The following CAMKMT variants were observed in gnomAD, a reference collection of about 807,000 sequenced individuals.
CAMKMT encodes the protein calmodulin-lysine N-methyltransferase, also known as CaM KMT.
In CAMKMT, 53 loss-of-function variants were observed where a neutral mutation model predicts 48.0. The ratio of observed to expected loss-of-function variants is 1.10; its 90% confidence interval spans 0.89 to 1.39. The LOEUF is 1.39. Among genes scored for constraint, CAMKMT ranks in the 40% most tolerant of loss-of-function variants. The pLI is 0.00. For missense variants in CAMKMT, 428 were observed against 402.7 expected (o/e 1.06, Z -0.54); for synonymous variants, 165 against 152.3 (o/e 1.08, Z -0.61).
intron 3 of CAMKMT, among the ~76,000 whole-genome samples, chr2:44,578,304 A>G (rs528201262): frequency 6.6e-6 from 1 of 152,382 alleles, no homozygotes; most frequent in South Asian, 2.1e-4. Flanking sequence ...TAATGAGGCT[A>G]ATAATTTCAT....
At chr2:44,420,423 G>GT (rs1683854397) in intron 3 of CAMKMT, among the ~76,000 whole-genome samples, 1 of 152,082 alleles carries the variant, frequency 6.6e-6, no homozygotes, top group African/African-American at 2.4e-5. Flanking sequence ...CAATGCAGGG[G>GT]TTAGGAGTGC....
chr2:44,529,455 T>C (rs1458918558), intron 3 of CAMKMT, among the ~76,000 whole-genome samples: 1 of 152,214 alleles, frequency 6.6e-6, no homozygotes, highest in Non-Finnish European at 1.5e-5. Flanking sequence ...CAGGGGTTTA[T>C]TTATGCATAT....
chr2:44,747,790 C>T (rs1449767171), intron 8 of CAMKMT, among the ~76,000 whole-genome samples: 1 of 152,192 alleles, frequency 6.6e-6, no homozygotes, highest in African/African-American at 2.4e-5. Flanking sequence ...TGGTCTGGCA[C>T]CTTTCCTTTG....
chr2:44,642,950 G>A lies in CAMKMT; in HGVS notation c.377-61333G>A, dbSNP rs181665631. On this transcript the variant is annotated intron_variant, in intron 3 of 10. Coordinates refer to ENST00000378494, the MANE Select transcript of CAMKMT (RefSeq NM_024766.5). Reference sequence around the variant, plus strand: ...GAGTGTCCGCTGTGTTTATGGCATGGTTGTAAGCCTAATGGATAATTAAGA... The same window carrying A: ...GAGTGTCCGCTGTGTTTATGGCATGATTGTAAGCCTAATGGATAATTAAGA... 1.4e-3 allele frequency among the ~76,000 whole-genome samples: 218 copies of A among 152,234 alleles called. 3 individuals carry two copies. The highest frequency in any genetic ancestry group is 2.3e-3 in the Non-Finnish European group (157 of 68,026).
At chr2:44,379,123 T>A (rs949491283) in intron 2 of CAMKMT, among the ~76,000 whole-genome samples, 1 of 152,208 alleles carries the variant, frequency 6.6e-6, no homozygotes, top group African/African-American at 2.4e-5. Flanking sequence ...TCTGTCTCTA[T>A]GTGTTGTCTG....
At position 44,756,751 on chromosome 2, in the gene CAMKMT, A is replaced by AG. The variant is rs1553447599; in HGVS notation, c.762+2633_762+2634insG. On this transcript the variant is annotated intron_variant, in intron 9 of 10. Transcript: ENST00000378494. ...AGCAAGACTCTGTCTCAAAAAAAAA[A>AG]AAAAAGAAAAAGAAAAAGAAGCCCA... is the stretch of plus-strand genomic sequence containing the variant. Among the ~76,000 whole-genome samples, 8 of 151,898 alleles carry AG rather than the reference A, an allele frequency of 5.3e-5. No homozygotes were observed. The East Asian group carries it at 7.7e-4, about 15-fold the overall frequency.
At chr2:44,405,629 T>C (rs1028916516) in intron 3 of CAMKMT, among the ~76,000 whole-genome samples, 9 of 151,914 alleles carry the variant, frequency 5.9e-5, no homozygotes, top group African/African-American at 2.2e-4. Flanking sequence ...TTGGGGAAAA[T>C]GTAATGAAGA....
intron 3 of CAMKMT, among the ~76,000 whole-genome samples, chr2:44,606,398 A>G (rs1026164798): frequency 4.4e-4 from 67 of 152,190 alleles, no homozygotes; most frequent in African/African-American, 1.4e-3. Context: ...TAGAGAGTCA[A>G]AGGTCTTTTA....
chr2:44,550,135 C>G (rs1011435265), intron 3 of CAMKMT, among the ~76,000 whole-genome samples: 1 of 152,094 alleles, frequency 6.6e-6, no homozygotes, highest in Non-Finnish European at 1.5e-5. Flanking sequence ...CGTGGTGATT[C>G]ACATTTATAA....
chr2:44,692,593 C>A (rs1243658887), intron 3 of CAMKMT, among the ~76,000 whole-genome samples: 3 of 152,142 alleles, frequency 2.0e-5, no homozygotes, highest in Non-Finnish European at 2.9e-5. Context: ...GGCCTGGCTG[C>A]CTTGATAATT....
chr2:44,583,889 T>C (rs1220257812), intron 3 of CAMKMT, among the ~76,000 whole-genome samples: 1 of 152,144 alleles, frequency 6.6e-6, no homozygotes, highest in Non-Finnish European at 1.5e-5. Context: ...TTTAGACAAG[T>C]GTATACAAAT....
intron 3 of CAMKMT, among the ~76,000 whole-genome samples, chr2:44,673,427 TAA>T (rs74625457): frequency 8.1e-5 from 9 of 111,440 alleles, no homozygotes; most frequent in Non-Finnish European, 1.1e-4. Context: ...AGACCCTGTT[TAA>T]AAAAAAAAAA....
intron 3 of CAMKMT, among the ~76,000 whole-genome samples, chr2:44,478,597 T>G (rs530942825): frequency 4.4e-4 from 67 of 152,162 alleles, no homozygotes; most frequent in Non-Finnish European, 8.7e-4. Flanking sequence ...AATAAAGGCA[T>G]TAGTTATTTT....
chr2:44,386,794 G>A (rs1015857303), intron 2 of CAMKMT, among the ~76,000 whole-genome samples: 4 of 152,046 alleles, frequency 2.6e-5, no homozygotes, highest in African/African-American at 9.7e-5. Context: ...TTAGTAGCAG[G>A]TTATTTAATT....
chr2:44,585,828 C>T (rs1669828047), intron 3 of CAMKMT, among the ~76,000 whole-genome samples: 2 of 152,146 alleles, frequency 1.3e-5, no homozygotes, highest in African/African-American at 4.8e-5. Flanking sequence ...CCATATATTG[C>T]TGATCAATTC....
chr2:44,621,176 G>C (rs1298840195), intron 3 of CAMKMT, among the ~76,000 whole-genome samples: 1 of 146,906 alleles, frequency 6.8e-6, no homozygotes, highest in Admixed American at 7.2e-5. Context: ...GCTGAGGCAG[G>C]AGAATGGCGC....
chr2:44,654,065 T>G (rs1441875292), intron 3 of CAMKMT, among the ~76,000 whole-genome samples: 3 of 152,228 alleles, frequency 2.0e-5, no homozygotes, highest in Admixed American at 1.3e-4. Flanking sequence ...ATACCTGTTT[T>G]TGGATGCTGT....
intron 3 of CAMKMT, among the ~76,000 whole-genome samples, chr2:44,533,720 C>T (rs779525603): frequency 6.6e-5 from 10 of 152,098 alleles, no homozygotes; most frequent in Non-Finnish European, 1.3e-4. Context: ...GTATAAAGCT[C>T]ACTGGTAAAG....
chr2:44,623,364 A>G (rs1034274792), intron 3 of CAMKMT, among the ~76,000 whole-genome samples: 2 of 152,030 alleles, frequency 1.3e-5, no homozygotes, highest in Non-Finnish European at 2.9e-5. Flanking sequence ...GTTTTGGTGC[A>G]ATTGCTTTTG....
Sources: allele counts gnomAD v4.1 joint callset (sites outside exome capture counted in the v4.1 genomes callset), GRCh38; gene constraint gnomAD v4.1.1; transcripts MANE v1.5; gene names NCBI Gene and HGNC (gene_info 2026-07-23, HGNC 2026-07-21).